SMG5: variants seen among roughly 807,000 people sequenced by gnomAD.
SMG5 encodes nonsense-mediated mRNA decay factor SMG5.
Under a neutral mutation model 122.9 loss-of-function variants are expected in SMG5, and 53 were observed. That is an observed-to-expected ratio of 0.43 (90% confidence interval 0.35 to 0.54). SMG5 has a LOEUF of 0.54. Ranked by LOEUF, SMG5 falls within the 20% of genes least tolerant of loss-of-function variation. The pLI is 0.01. For missense variants in SMG5, 1,153 were observed against 1,285.6 expected, an observed-to-expected ratio of 0.90 and a Z score of 1.58; for synonymous variants, 477 against 490.2, an observed-to-expected ratio of 0.97 and a Z score of 0.35.
chr1:156,264,663 A>C (rs1208291214), intron 12 of SMG5, among the ~76,000 whole-genome samples: 1 of 152,190 alleles, frequency 6.6e-6, no homozygotes, highest in African/African-American at 2.4e-5. Context: ...GCAAGTAAGA[A>C]TTAGCTAAGT....
rs1014217865 is a variant in SMG5, at chr1:156,278,863, A to G, written c.173+73T>C. 15 of 1,260,998 alleles carry G rather than the reference A, an allele frequency of 1.2e-5. No homozygotes were observed. The East Asian group carries it at 2.1e-4, about 18-fold the overall frequency. 78.1% of individuals were successfully genotyped at this position (1,260,998 alleles called of 1,614,324 possible). ...GAGGTAAAACAGAGTGCGTGTTTAT[A>G]TATCTGAGAAGGTTTCTGGTAGAGA... On this transcript the variant is annotated intron_variant, in intron 2 of 21. Transcript: ENST00000361813.
chr1:156,291,406 T>G, the SMG5 span: 1 of 1,614,138 alleles, frequency 6.2e-7, no homozygotes, highest in Non-Finnish European at 8.5e-7. Context: ...GGCTGACCTT[T>G]GCCGTGGGCC....
chr1:156,259,071 G>A lies in SMG5; in HGVS notation c.2376C>T (p.Ile792=). ...SILQFNPEVG[I]FVSIAQSEQE... ...GCTCAGACTGGGCAATGCTGACGAA[G>A]ATGCCAACCTCTGGGTTGAACTGCA... The change falls in exon 16 of 22, where the codon ATC becomes ATT. Residue 792 remains isoleucine, a synonymous_variant. Coordinates refer to ENST00000361813, the MANE Select transcript of SMG5 (RefSeq NM_015327.3). The A allele has an allele frequency of 6.2e-7, 1 of 1,613,000 alleles. No individual in the cohort carries two copies. Among genetic ancestry groups the A allele is most frequent in the Non-Finnish European group, 8.5e-7 (1 of 1,179,588 alleles).
intron 13 of SMG5, among the ~76,000 whole-genome samples, chr1:156,261,648 A>C (rs566790461): frequency 6.6e-6 from 1 of 152,166 alleles, no homozygotes; most frequent in South Asian, 2.1e-4. Flanking sequence ...AGCACTTTGG[A>C]AGGCCAAGGT....
intron 12 of SMG5, 102 bp from the exon 13 acceptor site, chr1:156,263,672 G>C: frequency 7.6e-7 from 1 of 1,321,174 alleles, no homozygotes; most frequent in Non-Finnish European, 1.0e-6. Context: ...ACCTGGCCTG[G>C]GCCCTTCCAA....
intron 4 of SMG5, among the ~76,000 whole-genome samples, chr1:156,275,701 T>C (rs1572597370): frequency 6.6e-6 from 1 of 151,210 alleles, no homozygotes; most frequent in Non-Finnish European, 1.5e-5. Context: ...CTAAAGTGGT[T>C]TGGGGCACTA....
upstream of SMG5, chr1:156,286,305 G>C (rs201959226): frequency 1.2e-6 from 2 of 1,614,210 alleles, no homozygotes; most frequent in Admixed American, 3.3e-5. Flanking sequence ...TCTGCCCTTC[G>C]GCCCTTTGGG....
intron 21 of SMG5, 54 bp downstream of exon 21, chr1:156,250,804 C>T (rs1338749036): frequency 1.9e-6 from 3 of 1,609,646 alleles, no homozygotes; most frequent in South Asian, 1.1e-5. Context: ...ATGGAGTCTG[C>T]TCTGGTACCT....
In SMG5 at chr1:156,253,524, T is replaced by C. The variant is rs756170222; in HGVS notation, c.2443-16A>G. On this transcript the variant is annotated splice_polypyrimidine_tract_variant and intron_variant, in intron 16 of 21. Transcript: ENST00000361813. ...CCTCCTGTGCCTATGAGGGAAAAAA[T>C]GAGCTGTAAGGAGTTGGGGTGTATT... The C allele has an allele frequency of 3.1e-6, 5 of 1,613,396 alleles. No individual in the cohort carries two copies. The Admixed American group carries it at 6.7e-5, about 22-fold the overall frequency.
In SMG5 at chr1:156,274,690, T is replaced by C. The variant is rs200795640; in HGVS notation, c.455-4A>G. The C allele has an allele frequency of 5.6e-6, 9 of 1,613,108 alleles. No homozygotes were observed. In the African/African-American group the frequency reaches 9.3e-5, roughly 17 times the overall value. On this transcript the variant is annotated splice_polypyrimidine_tract_variant and splice_region_variant and intron_variant, in intron 4 of 21. Coordinates refer to ENST00000361813, the MANE Select transcript of SMG5 (RefSeq NM_015327.3). ...GCAGACACTGGCTTCTTGCATCCTATGAGACAAAGAGAAAGAGATTTGTAG... is the reference window on the plus strand; with the variant it reads ...GCAGACACTGGCTTCTTGCATCCTACGAGACAAAGAGAAAGAGATTTGTAG...
At chr1:156,268,029 C>G in intron 9 of SMG5, 86 bp downstream of exon 9, 4 of 1,375,486 alleles carry the variant, frequency 2.9e-6, no homozygotes, top group Non-Finnish European at 4.1e-6. Flanking sequence ...CAGAACTCGA[C>G]AGTCCACCCT....
intron 19 of SMG5, 118 bp downstream of exon 19, chr1:156,252,296 G>C (rs1304014637): frequency 1.2e-6 from 1 of 848,938 alleles, no homozygotes; most frequent in Non-Finnish European, 1.9e-6. Context: ...TGAGCTAACT[G>C]TGAGTAGAGA....
In SMG5 at chr1:156,268,141, C is replaced by A. The variant is rs1211014486; in HGVS notation, c.882G>T (p.Leu294=). ...IKRLLVNFMY[L]QSLLQPKSSS... ...TGCTTTTGGGCTGTAGGAGGCTTTG[C>A]AGATACATAAAGTTCACTAGCAACC... Residue 294 remains leucine, a synonymous_variant, in exon 9 of 22, where the codon CTG becomes CTT. Coordinates refer to ENST00000361813, the MANE Select transcript of SMG5 (RefSeq NM_015327.3). 3 of 1,614,028 alleles carry A rather than the reference C, an allele frequency of 1.9e-6. No individual in the cohort carries two copies. The highest frequency in any genetic ancestry group is 3.3e-5 in the Admixed American group (2 of 59,998).
intron 11 of SMG5, 60 bp downstream of exon 11, chr1:156,266,481 C>T (rs1662150970): frequency 1.2e-6 from 2 of 1,610,920 alleles, no homozygotes; most frequent in Non-Finnish European, 1.7e-6. Flanking sequence ...GTGTTCCTTT[C>T]CTTCATCCCC....
At position 156,282,668 on chromosome 1, in the gene SMG5, G is replaced by T. The variant is rs550210137; in HGVS notation, c.13C>A (p.Pro5Thr). The change falls in exon 1 of 22, where the codon CCC (proline) becomes ACC (threonine). Residue 5 changes from proline (P) to threonine (T), a missense_variant. Physicochemically the swap from Pro to Thr is conservative, Grantham distance 38 (BLOSUM62 -1). Around this residue, in one of 5 missense-constraint regions of SMG5, gnomAD observed 213 missense variants for 197.5 expected, o/e 1.08. Coordinates refer to ENST00000361813, the MANE Select transcript of SMG5 (RefSeq NM_015327.3). MSQG[P>T]PTGESSEPEA... Reference sequence around the variant, plus strand: ...GGCTCGCTGCTCTCCCCTGTGGGGGGGCCTTGGCTCATGGTGCCCGGGTCC... The same window carrying T: ...GGCTCGCTGCTCTCCCCTGTGGGGGTGCCTTGGCTCATGGTGCCCGGGTCC... The T allele has an allele frequency of 6.9e-6, 11 of 1,605,314 alleles. No homozygotes were observed. Among genetic ancestry groups the T allele is most frequent in the Middle Eastern group, 1.7e-4 (1 of 6,060 alleles).
At chr1:156,288,150 A>G in the SMG5 span, among the ~76,000 whole-genome samples, 1 of 150,124 alleles carries the variant, frequency 6.7e-6, no homozygotes, top group Admixed American at 6.6e-5. Flanking sequence ...GGGAGCCGAG[A>G]TAGCGCCACT....
chr1:156,273,228 A>C (rs1302748715), intron 6 of SMG5, 133 bp downstream of exon 6: 6 of 705,762 alleles, frequency 8.5e-6, no homozygotes, highest in Non-Finnish European at 1.5e-5. Flanking sequence ...GGTATAAACA[A>C]GGTGAAGTAC....
rs1382917801 is a variant in SMG5 at position 156,268,334 on chromosome 1, T to C, written c.795A>G (p.Gln265=). Residue 265 remains glutamine (Q), a synonymous_variant, in exon 8 of 22, where the codon CAA becomes CAG. Transcript: ENST00000361813. The part of the protein sequence containing the change: ...LYDKAAKMYH[Q]LKKCETRKLS... ...GTTTCCGAGTCTCACACTTCTTCAG[T>C]TGGTGGTACATTTTGGCTGCCTTGT... is the stretch of plus-strand genomic sequence containing the variant. 2 of 1,614,054 alleles carry C rather than the reference T, an allele frequency of 1.2e-6. No individual in the cohort carries two copies. The highest frequency in any genetic ancestry group is 2.2e-5 in the East Asian group (1 of 44,902).
At chr1:156,287,639 T>G (rs1451915989), upstream of SMG5, among the ~76,000 whole-genome samples, 2 of 136,896 alleles carry the variant, frequency 1.5e-5, no homozygotes, top group Non-Finnish European at 3.1e-5. Flanking sequence ...TTTGAGACAG[T>G]GTTTCACTCT....
Sources: gnomAD v4.1 joint callset for allele counts (sites outside exome capture counted in the v4.1 genomes callset) on GRCh38, gnomAD v4.1.1 for gene constraint, gnomAD v4.1.1 regional missense constraint, MANE v1.5 for transcripts, NCBI Gene and HGNC (gene_info 2026-07-23, HGNC 2026-07-21) for gene names.